Variants in MGMT observed in about 807,000 individuals in gnomAD.
MGMT encodes O-6-methylguanine-DNA methyltransferase, also known as methylated-DNA--protein-cysteine methyltransferase.
A neutral mutation model predicts 15.9 loss-of-function variants in MGMT; 14 were observed. That is an observed-to-expected ratio of 0.88 (90% CI 0.58 to 1.37). MGMT has a LOEUF of 1.37. Among genes scored for constraint, MGMT ranks in the 40% most tolerant of loss-of-function variants. The pLI, the probability that MGMT is intolerant of heterozygous loss-of-function variation, is 0.00. For synonymous variants in MGMT, 130 were observed against 118.2 expected (o/e 1.10, Z -0.65); for missense variants, 282 against 268.1 (o/e 1.05, Z -0.36).
chr10:129,700,506 G>A (rs1250063100), intron 2 of MGMT: 1 of 152,156 alleles, frequency 6.6e-6, no homozygotes, highest in African/African-American at 2.4e-5. Context: ...TGTTTCTGAT[G>A]TTGACCTGTG....
chr10:129,697,970 A>G (rs1037641087), intron 2 of MGMT, among the ~76,000 whole-genome samples: 1 of 152,188 alleles, frequency 6.6e-6, no homozygotes, highest in African/African-American at 2.4e-5. Flanking sequence ...AGTGGCACCA[A>G]GCGGTCAGTA....
At chr10:129,479,312 G>T (rs916590472) in intron 1 of MGMT, among the ~76,000 whole-genome samples, 3 of 152,018 alleles carry the variant, frequency 2.0e-5, no homozygotes, top group African/African-American at 7.2e-5. Context: ...AGTATGCGTT[G>T]GGCCTTGGGG....
At chr10:129,547,313 G>C (rs1254873622) in intron 2 of MGMT, among the ~76,000 whole-genome samples, 3 of 152,052 alleles carry the variant, frequency 2.0e-5, no homozygotes, top group African/African-American at 7.2e-5. Flanking sequence ...GAGGACCTCT[G>C]AGAACCCTAG....
intron 3 of MGMT, among the ~76,000 whole-genome samples, chr10:129,724,020 G>C (rs879717711): frequency 1.3e-5 from 2 of 152,168 alleles, no homozygotes; most frequent in Non-Finnish European, 2.9e-5. Flanking sequence ...CCACTCTAGG[G>C]CATTTATCCA....
At chr10:129,485,476 A>G (rs907871654) in intron 1 of MGMT, among the ~76,000 whole-genome samples, 2 of 152,144 alleles carry the variant, frequency 1.3e-5, no homozygotes, top group African/African-American at 4.8e-5. Context: ...TCTGAAGACC[A>G]TTGTTTTATA....
intron 3 of MGMT, among the ~76,000 whole-genome samples, chr10:129,711,014 G>C (rs1848226752): frequency 6.6e-6 from 1 of 152,112 alleles, no homozygotes; most frequent in African/African-American, 2.4e-5. Flanking sequence ...GATTGTATTT[G>C]AGCTCATCCT....
At chr10:129,489,793 A>G (rs1287102887) in intron 1 of MGMT, among the ~76,000 whole-genome samples, 3 of 152,164 alleles carry the variant, frequency 2.0e-5, no homozygotes, top group South Asian at 2.1e-4. Flanking sequence ...CGGAAATGCT[A>G]TTAATTTTCA....
At chr10:129,616,923 G>A (rs548821824) in intron 2 of MGMT, among the ~76,000 whole-genome samples, 14 of 152,220 alleles carry the variant, frequency 9.2e-5, no homozygotes, top group African/African-American at 3.4e-4. Context: ...CTGAGCTTCT[G>A]CCCCTTTATT....
chr10:129,674,392 G>A (rs750047215), intron 2 of MGMT, among the ~76,000 whole-genome samples: 5 of 152,172 alleles, frequency 3.3e-5, no homozygotes, highest in South Asian at 4.1e-4. Flanking sequence ...GTCACGAATC[G>A]GCTATCTGCT....
intron 2 of MGMT, among the ~76,000 whole-genome samples, chr10:129,561,101 C>T (rs12266078): frequency 0.046 from 6,967 of 152,140 alleles, 542 homozygotes; most frequent in African/African-American, 0.16. Flanking sequence ...GCCCTTTCAC[C>T]CTCTACCTGC....
chr10:129,626,647 G>T (rs565014449), intron 2 of MGMT, among the ~76,000 whole-genome samples: 2 of 152,190 alleles, frequency 1.3e-5, no homozygotes, highest in Non-Finnish European at 2.9e-5. Flanking sequence ...CGTGCTCTCC[G>T]TGGAAATCTA....
chr10:129,515,261 G>A (rs929773197), intron 1 of MGMT, among the ~76,000 whole-genome samples: 24 of 152,238 alleles, frequency 1.6e-4, no homozygotes, highest in African/African-American at 5.5e-4. Flanking sequence ...CACTCGCCAA[G>A]GCCCCGTCAG....
At chr10:129,762,275 T>G (rs112572589) in intron 4 of MGMT, among the ~76,000 whole-genome samples, 9 of 152,236 alleles carry the variant, frequency 5.9e-5, no homozygotes, top group African/African-American at 2.2e-4. Flanking sequence ...AAAATGGACT[T>G]GGAATGTTAG....
At chr10:129,766,311 A>G (rs3793914) in intron 4 of MGMT, among the ~76,000 whole-genome samples, 18,641 of 152,238 alleles carry the variant, frequency 0.12, 2,369 homozygotes, top group African/African-American at 0.32. Flanking sequence ...GTGCGCCCAC[A>G]GCCACAGTTG....
At chr10:129,526,042 G>A (rs1263679052) in intron 1 of MGMT, among the ~76,000 whole-genome samples, 2 of 152,160 alleles carry the variant, frequency 1.3e-5, no homozygotes, top group Non-Finnish European at 2.9e-5. Flanking sequence ...GAACTGAGCC[G>A]CACTTGACTG....
rs1278288707 is a variant in MGMT at position 129,477,027 on chromosome 10, C to T, written c.-13+9731C>T. On this transcript the variant is annotated intron_variant, in intron 1 of 4. Coordinates refer to ENST00000651593, the MANE Select transcript of MGMT (RefSeq NM_002412.5). ...GCAAGTCTGTGGGCTCGTGGGACCC[C>T]GGCAGTGCTGGCCTCCTGTGTTTGG... Among the ~76,000 whole-genome samples the T allele has an allele frequency of 6.6e-5, 10 of 152,068 alleles. No individual in the cohort carries two copies. The East Asian group carries it at 1.2e-3, about 18-fold the overall frequency.
At chr10:129,643,271 A>G (rs1847348959) in intron 2 of MGMT, among the ~76,000 whole-genome samples, 2 of 152,200 alleles carry the variant, frequency 1.3e-5, no homozygotes, top group South Asian at 4.1e-4. Context: ...TTAGAGATCT[A>G]CAAGAGAATA....
intron 2 of MGMT, among the ~76,000 whole-genome samples, chr10:129,688,536 T>G (rs933806940): frequency 1.3e-5 from 2 of 152,122 alleles, no homozygotes; most frequent in Admixed American, 6.5e-5. Flanking sequence ...TTTGATGGTG[T>G]TGTTTGATTT....
chr10:129,722,255 T>G (rs1213510469), intron 3 of MGMT, among the ~76,000 whole-genome samples: 1 of 152,120 alleles, frequency 6.6e-6, no homozygotes, highest in East Asian at 1.9e-4. Flanking sequence ...TATAATGTAA[T>G]TAAAAAGTAA....
Sources: gnomAD v4.1 joint callset for allele counts (sites outside exome capture counted in the v4.1 genomes callset) on GRCh38, gnomAD v4.1.1 for gene constraint, MANE v1.5 for transcripts, NCBI Gene and HGNC (gene_info 2026-07-23, HGNC 2026-07-21) for gene names.